The following PDLIM5 variants were observed in gnomAD, a reference collection of about 807,000 sequenced individuals.
PDLIM5 encodes the protein PDZ and LIM domain protein 5.
A neutral mutation model predicts 64.2 loss-of-function variants in PDLIM5; 34 were observed. That is an observed-to-expected ratio of 0.53 (90% CI 0.40 to 0.71). The LOEUF is 0.71. Among genes scored for constraint, PDLIM5 ranks in the 30% least tolerant of loss-of-function variants. The probability of loss-of-function intolerance (pLI) is 0.00; values close to 1 mark genes in which losing one functional copy is unlikely to be tolerated. For missense variants in PDLIM5, 683 were observed against 733.6 expected, an observed-to-expected ratio of 0.93 and a Z score of 0.80; for synonymous variants, 253 against 269.1, an observed-to-expected ratio of 0.94 and a Z score of 0.59.
Position 94,666,514 on chromosome 4 carries a change from T to C in PDLIM5, c.*2447T>C. Reference sequence around the variant, plus strand: ...GTCATATAATGTACACTGTCACATCTTTACAGTCTTGTATGTTATAGAATA... The same window carrying C: ...GTCATATAATGTACACTGTCACATCCTTACAGTCTTGTATGTTATAGAATA... On this transcript the variant is annotated 3_prime_UTR_variant, in exon 13 of 13. Transcript: ENST00000317968. 1 of 153,866 alleles carries C rather than the reference T, an allele frequency of 6.5e-6. No individual in the cohort carries two copies. The highest frequency in any genetic ancestry group is 1.9e-4 in the East Asian group (1 of 5,204). 9.5% of individuals were successfully genotyped at this position (153,866 alleles called of 1,614,324 possible). A position where few individuals can be genotyped will look rare whatever the true frequency, so the allele number is the denominator to read the frequency against.
intron 7 of PDLIM5, chr4:94,587,862 T>C: frequency 1.2e-6 from 1 of 858,678 alleles, no homozygotes; most frequent in Non-Finnish European, 1.4e-6. Flanking sequence ...AAGATAGCTT[T>C]GCTTTTTTTA....
intron 3 of PDLIM5, among the ~76,000 whole-genome samples, chr4:94,558,307 A>G (rs1733538213): frequency 6.6e-6 from 1 of 152,202 alleles, no homozygotes; most frequent in African/African-American, 2.4e-5. Flanking sequence ...GGCTGTAAGT[A>G]AAATTCATGC....
chr4:94,525,937 G>A (rs1043229181), intron 3 of PDLIM5, among the ~76,000 whole-genome samples: 3 of 152,116 alleles, frequency 2.0e-5, no homozygotes, highest in Admixed American at 6.6e-5. Context: ...TAACATGAAA[G>A]TTGTTACTAA....
At chr4:94,464,052 C>T (rs1303530175) in intron 2 of PDLIM5, among the ~76,000 whole-genome samples, 1 of 151,966 alleles carries the variant, frequency 6.6e-6, no homozygotes, top group Non-Finnish European at 1.5e-5. Flanking sequence ...GTAAGGATGC[C>T]AGGGATATTT....
At position 94,661,040 on chromosome 4, in the gene PDLIM5, C is replaced by T. The variant is rs74980448; in HGVS notation, c.1586-1382C>T. ...TGGAGGTTCCAGTGAGCCGAGATCG[C>T]GCCACTACACTTCAGCCTGGGCAAG... On this transcript the variant is annotated intron_variant, in intron 11 of 12. Transcript: ENST00000317968. Among the ~76,000 whole-genome samples the T allele has an allele frequency of 6.7e-3, 1,021 of 151,992 alleles. 22 individuals are homozygous for T. The highest frequency in any genetic ancestry group is 0.041 in the East Asian group (209 of 5,160).
Position 94,636,439 on chromosome 4 carries a change from TC to T in PDLIM5, c.1109-3836del, listed in dbSNP as rs773695850. 2.2e-3 allele frequency among the ~76,000 whole-genome samples: 334 copies of T among 151,032 alleles called. 1 individual carries two copies. The highest frequency in any genetic ancestry group is 3.4e-3 in the Non-Finnish European group (228 of 67,726). On this transcript the variant is annotated intron_variant, in intron 8 of 12. Transcript: ENST00000317968. ...GGCAAAAAAAAAAAAAAATTGGGAA[TC>T]TTCCTTTTTTCATGTAACTGATTAA...
chr4:94,459,632 A>G (rs757075241), intron 2 of PDLIM5, among the ~76,000 whole-genome samples: 3 of 152,226 alleles, frequency 2.0e-5, no homozygotes, highest in African/African-American at 4.8e-5. Flanking sequence ...TGGAAAAGAA[A>G]TAAGCACAGT....
At chr4:94,534,910 T>C (rs1731189531) in intron 3 of PDLIM5, among the ~76,000 whole-genome samples, 1 of 152,168 alleles carries the variant, frequency 6.6e-6, no homozygotes, top group Admixed American at 6.5e-5. Context: ...GAATATCCTC[T>C]TGAAGTAGTA....
Position 94,572,689 on chromosome 4 carries a change from C to A in PDLIM5, c.249-662C>A, listed in dbSNP as rs556989119. Among the ~76,000 whole-genome samples the A allele has an allele frequency of 1.6e-4, 25 of 152,198 alleles. No individual in the cohort carries two copies. The South Asian group carries it at 4.2e-3, about 25-fold the overall frequency. ...TCTTTTCCACACTTATTACTGATGA[C>A]CTGTTACATTCCAGACACTGTGCTG... On this transcript the variant is annotated intron_variant, in intron 3 of 12. Coordinates refer to ENST00000317968, the MANE Select transcript of PDLIM5 (RefSeq NM_006457.5).
Position 94,516,236 on chromosome 4 carries a change from C to T in PDLIM5, c.97-7488C>T, listed in dbSNP as rs555147502. ...ACATAAGGAAAAGAGACATAATTGT[C>T]CTCTTCTGTTTGCTTTTATAAGGGA... On this transcript the variant is annotated intron_variant, in intron 2 of 12. Coordinates refer to ENST00000317968, the MANE Select transcript of PDLIM5 (RefSeq NM_006457.5). Among the ~76,000 whole-genome samples the T allele has an allele frequency of 7.7e-4, 118 of 152,284 alleles. 1 individual carries two copies. Among genetic ancestry groups the T allele is most frequent in the African/African-American group, 2.6e-3 (110 of 41,576 alleles).
chr4:94,473,028 G>A (rs186153246), intron 2 of PDLIM5, among the ~76,000 whole-genome samples: 2 of 152,134 alleles, frequency 1.3e-5, no homozygotes, highest in Non-Finnish European at 2.9e-5. Context: ...AAGAGGTATA[G>A]GGAAAGAGTG....
chr4:94,597,083 C>T (rs1005074912), intron 7 of PDLIM5, among the ~76,000 whole-genome samples: 3 of 152,080 alleles, frequency 2.0e-5, no homozygotes, highest in African/African-American at 7.2e-5. Flanking sequence ...GCGGAATTTT[C>T]AAGTTAGTGG....
At chr4:94,526,738 CT>C (rs913991885) in intron 3 of PDLIM5, among the ~76,000 whole-genome samples, 24 of 148,688 alleles carry the variant, frequency 1.6e-4, no homozygotes, top group Admixed American at 4.0e-4. Context: ...TTCTTTCTTT[CT>C]TTTTTTTTTT....
At chr4:94,476,605 A>T (rs183922206) in intron 2 of PDLIM5, among the ~76,000 whole-genome samples, 103 of 152,268 alleles carry the variant, frequency 6.8e-4, no homozygotes, top group Non-Finnish European at 1.3e-3. Context: ...TTCCTCCATC[A>T]TGAGTATAGA....
At chr4:94,525,703 A>G (rs1187207309) in intron 3 of PDLIM5, among the ~76,000 whole-genome samples, 2 of 152,168 alleles carry the variant, frequency 1.3e-5, no homozygotes, top group African/African-American at 2.4e-5. Context: ...ATCTATTTTG[A>G]GGTATTGTGA....
chr4:94,556,106 C>A, intron 3 of PDLIM5, among the ~76,000 whole-genome samples: 1 of 137,574 alleles, frequency 7.3e-6, no homozygotes, highest in East Asian at 2.2e-4. Flanking sequence ...CTTCCTGTGT[C>A]CATGTGTTCT....
chr4:94,630,014 T>C (rs972624559), intron 8 of PDLIM5, among the ~76,000 whole-genome samples: 3 of 152,204 alleles, frequency 2.0e-5, no homozygotes, highest in Non-Finnish European at 2.9e-5. Context: ...GGCCACCATC[T>C]GTTTGAGATG....
intron 7 of PDLIM5, chr4:94,586,945 T>G: frequency 1.4e-6 from 2 of 1,474,876 alleles, no homozygotes; most frequent in Non-Finnish European, 1.8e-6. Context: ...TTCTTATGAC[T>G]CTTCTATCAC....
At chr4:94,632,453 C>T (rs1740230973) in intron 8 of PDLIM5, among the ~76,000 whole-genome samples, 2 of 152,076 alleles carry the variant, frequency 1.3e-5, no homozygotes, top group Admixed American at 1.3e-4. Context: ...ATCTGCACTC[C>T]AGCCTGGGCA....
Sources: gnomAD v4.1 joint callset for allele counts (sites outside exome capture counted in the v4.1 genomes callset) on GRCh38, gnomAD v4.1.1 for gene constraint, MANE v1.5 for transcripts, NCBI Gene and HGNC (gene_info 2026-07-23, HGNC 2026-07-21) for gene names.